ACACB: variants seen among roughly 807,000 people sequenced by gnomAD.
ACACB encodes acetyl-CoA carboxylase beta.
A neutral mutation model predicts 278.8 loss-of-function variants in ACACB; 209 were observed. That is an observed-to-expected ratio of 0.75 (90% CI 0.67 to 0.84). The LOEUF is 0.84. Among genes scored for constraint, ACACB ranks in the 40% least tolerant of loss-of-function variants. The pLI, the probability that ACACB is intolerant of heterozygous loss-of-function variation, is 0.00. For missense variants in ACACB, 2,850 were observed against 3,269.0 expected, an observed-to-expected ratio of 0.87 and a Z score of 3.13; for synonymous variants, 1,174 against 1,285.6, an observed-to-expected ratio of 0.91 and a Z score of 1.86.
chr12:109,233,143 C>A (rs1340077067), intron 29 of ACACB, among the ~76,000 whole-genome samples: 1 of 152,136 alleles, frequency 6.6e-6, no homozygotes. Flanking sequence ...CCTTCGTTTT[C>A]TTATCTGTAA....
chr12:109,222,352 G>A (rs536093091), intron 24 of ACACB, among the ~76,000 whole-genome samples, 155 bp from the exon 25 acceptor site: 91 of 149,326 alleles, frequency 6.1e-4, no homozygotes, highest in African/African-American at 2.0e-3. Context: ...ACAGTAGAAA[G>A]TGGTGAGGGT....
intron 37 of ACACB, among the ~76,000 whole-genome samples, chr12:109,244,630 T>G (rs1273017220): frequency 1.3e-5 from 2 of 152,148 alleles, no homozygotes; most frequent in East Asian, 3.9e-4. Context: ...GCTAATTTTT[T>G]TATTTATAGT....
chr12:109,136,009 C>G (rs2042958629), intron 1 of ACACB, among the ~76,000 whole-genome samples: 1 of 151,806 alleles, frequency 6.6e-6, no homozygotes, highest in Admixed American at 6.6e-5. Context: ...GATGGGGTTT[C>G]ACCATGTTAG....
chr12:109,166,990 G>T lies in ACACB; in HGVS notation c.783G>T (p.Glu261Asp). 6.2e-7 allele frequency: 1 copy of T among 1,614,050 alleles called. No homozygotes were observed. Among genetic ancestry groups the T allele is most frequent in the South Asian group, 1.1e-5 (1 of 91,050 alleles). The change falls in exon 3 of 53, where the codon GAG becomes GAT. Residue 261 changes from glutamate to aspartate, a missense_variant. By Grantham distance (45) the Glu-to-Asp change is conservative. Coordinates refer to ENST00000338432, the MANE Select transcript of ACACB (RefSeq NM_001093.4). ...VTRFGGDRVIEKVLIANNGIA... is the reference protein window; with the variant it reads ...VTRFGGDRVIDKVLIANNGIA... ...GCTTTGGGGGGGATCGGGTCATCGAGAAGGTACAGATGGGTCTCGGCACTC... is the reference window on the plus strand; with the variant it reads ...GCTTTGGGGGGGATCGGGTCATCGATAAGGTACAGATGGGTCTCGGCACTC...
In ACACB at chr12:109,139,471, C is replaced by T; in HGVS notation, c.66C>T (p.Ile22=). The change falls in exon 2 of 53, where the codon ATC becomes ATT. Residue 22 remains isoleucine (I), a synonymous_variant. Transcript: ENST00000338432. ...FSCLTFSWLK[I]WGKMTDSKPI... is the part of the protein sequence containing the mutation. ...GTCTGACCTTTTCCTGGTTAAAAAT[C>T]TGGGGGAAAATGACGGACTCCAAGC... 8.1e-6 allele frequency: 13 copies of T among 1,614,146 alleles called. No homozygotes were observed. Among genetic ancestry groups the T allele is most frequent in the Non-Finnish European group, 1.1e-5 (13 of 1,180,038 alleles).
rs537231284 is a variant in ACACB, at chr12:109,237,479, G to A, written c.4662+99G>A. On this transcript the variant is annotated intron_variant, in intron 34 of 52. Coordinates refer to ENST00000338432, the MANE Select transcript of ACACB (RefSeq NM_001093.4). ...GGTCCTGGGCTGCATGCTGGGGATG[G>A]AGAGTACACCAACACCCAGGGTCCT... is the stretch of plus-strand genomic sequence containing the variant. The A allele has an allele frequency of 3.0e-4, 378 of 1,268,302 alleles. 1 individual carries two copies. In the Middle Eastern group the frequency reaches 4.1e-3, roughly 14 times the overall value. 78.6% of individuals were successfully genotyped at this position (1,268,302 alleles called of 1,614,324 possible).
At chr12:109,198,369 G>C (rs906727097) in intron 17 of ACACB, among the ~76,000 whole-genome samples, 4 of 152,128 alleles carry the variant, frequency 2.6e-5, no homozygotes, top group Non-Finnish European at 4.4e-5. Flanking sequence ...TCAGTAAAAG[G>C]AACCAGCTTT....
chr12:109,162,134 G>C (rs995695838), intron 2 of ACACB, among the ~76,000 whole-genome samples: 3 of 152,058 alleles, frequency 2.0e-5, no homozygotes, highest in African/African-American at 7.2e-5. Flanking sequence ...GCGCCACCAT[G>C]CCCAGCTACT....
chr12:109,146,338 T>C (rs923490296), intron 2 of ACACB, among the ~76,000 whole-genome samples: 1 of 152,252 alleles, frequency 6.6e-6, no homozygotes, highest in Admixed American at 6.5e-5. Flanking sequence ...GGAAGGCCAC[T>C]TCCTACATTC....
chr12:109,123,430 A>G (rs1045887617), intron 1 of ACACB, among the ~76,000 whole-genome samples: 2 of 151,566 alleles, frequency 1.3e-5, no homozygotes, highest in Non-Finnish European at 2.9e-5. Context: ...GGTGGCTCAC[A>G]TCTGTAATTC....
chr12:109,188,091 C>G lies in ACACB; in HGVS notation c.2073C>G (p.Gly691=), dbSNP rs755110288. The change falls in exon 13 of 53, where the codon GGC becomes GGG. Residue 691 remains glycine (G), a synonymous_variant. Transcript: ENST00000338432. ...ACTTCAGCGTGGCCGCTACTGGAGG[C>G]CTGCACGAGTTTGCGGATTCCCAAT... ...WGYFSVAATG[G]LHEFADSQFG... 62 of 1,613,424 alleles carry G rather than the reference C, an allele frequency of 3.8e-5. No individual in the cohort carries two copies. Among genetic ancestry groups the G allele is most frequent in the Non-Finnish European group, 5.3e-5 (62 of 1,179,522 alleles).
chr12:109,166,668 A>ACAAAAAC (rs1565880066), intron 2 of ACACB, among the ~76,000 whole-genome samples, 193 bp from the exon 3 acceptor site: 1 of 145,344 alleles, frequency 6.9e-6, no homozygotes, highest in Non-Finnish European at 1.5e-5. Context: ...AAAAAAAAAA[A>ACAAAAAC]AAAAAAAAAC....
At chr12:109,171,750 C>T in intron 4 of ACACB, 55 bp from the exon 5 acceptor site, 4 of 1,318,758 alleles carry the variant, frequency 3.0e-6, no homozygotes, top group Admixed American at 1.7e-5. Context: ...TAATGTTCTG[C>T]CATTGATGTC....
At position 109,265,393 on chromosome 12, in the gene ACACB, A is replaced by G; in HGVS notation, c.7118A>G (p.Tyr2373Cys). The change falls in exon 52 of 53, where the codon TAC (tyrosine) becomes TGC (cysteine). Residue 2373 changes from tyrosine to cysteine, a missense_variant. This residue lies in a region of ACACB where 579 missense variants were observed against 684.6 expected (regional missense o/e 0.85). Coordinates refer to ENST00000338432, the MANE Select transcript of ACACB (RefSeq NM_001093.4). ...CATCCTCTGCCCCCTCCCCAGGCCT[A>G]CTTGTGGGACAACAACCAGGTGGTT... Reference protein sequence around the residue: ...FVETEGAVKAYLWDNNQVVVQ... With the variant: ...FVETEGAVKACLWDNNQVVVQ... The G allele has an allele frequency of 6.2e-7, 1 of 1,613,582 alleles. No individual in the cohort carries two copies.
At chr12:109,246,011 G>C (rs2046931658) in intron 38 of ACACB, among the ~76,000 whole-genome samples, 168 bp from the exon 39 acceptor site, 2 of 152,030 alleles carry the variant, frequency 1.3e-5, no homozygotes, top group South Asian at 4.2e-4. Context: ...GATTGCTTAA[G>C]CCCAGAAAGT....
intron 11 of ACACB, 49 bp from the exon 12 acceptor site, chr12:109,185,530 C>T (rs1411649998): frequency 8.1e-6 from 13 of 1,605,508 alleles, no homozygotes; most frequent in Middle Eastern, 1.7e-4. Flanking sequence ...GTTTTGGGGC[C>T]GTGTTCTGGT....
chr12:109,252,964 G>A, intron 42 of ACACB, 51 bp from the exon 43 acceptor site: 1 of 1,442,394 alleles, frequency 6.9e-7, no homozygotes, highest in Non-Finnish European at 9.2e-7. Flanking sequence ...CAAACAGGTG[G>A]TAGAGCCCTG....
At chr12:109,229,103 C>G (rs1249375537) in intron 28 of ACACB, among the ~76,000 whole-genome samples, 1 of 152,018 alleles carries the variant, frequency 6.6e-6, no homozygotes, top group East Asian at 1.9e-4. Context: ...CCACCATGCT[C>G]GGCTAATTTT....
At chr12:109,127,801 TG>T (rs1169887177) in intron 1 of ACACB, among the ~76,000 whole-genome samples, 2 of 152,154 alleles carry the variant, frequency 1.3e-5, no homozygotes, top group Middle Eastern at 3.2e-3. Context: ...GATCACACCA[TG>T]GGGTGTGCCT....
Sources: allele counts gnomAD v4.1 joint callset (sites outside exome capture counted in the v4.1 genomes callset), GRCh38; gene constraint gnomAD v4.1.1; regional missense constraint gnomAD v4.1.1; transcripts MANE v1.5; gene names NCBI Gene and HGNC (gene_info 2026-07-23, HGNC 2026-07-21).